The following ZPBP variants were observed in gnomAD, a reference collection of about 807,000 sequenced individuals.
ZPBP encodes the protein zona pellucida-binding protein 1.
A neutral mutation model predicts 44.8 loss-of-function variants in ZPBP; 26 were observed. That is an observed-to-expected ratio of 0.58 (90% CI 0.43 to 0.81). The LOEUF (loss-of-function observed/expected upper bound fraction) is 0.81, where lower values mean the gene tolerates loss of function less well. Among genes scored for constraint, ZPBP ranks in the 30% least tolerant of loss-of-function variants. The pLI is 0.00. For synonymous variants in ZPBP, 174 were observed against 153.2 expected, an observed-to-expected ratio of 1.14 and a Z score of -1.00; for missense variants, 409 against 434.0, an observed-to-expected ratio of 0.94 and a Z score of 0.51.
chr7:50,082,828 AT>A (rs910014824), intron 2 of ZPBP, among the ~76,000 whole-genome samples: 5 of 151,636 alleles, frequency 3.3e-5, no homozygotes, highest in African/African-American at 1.2e-4. Context: ...GATTGAGGTG[AT>A]TTTTTTCTTT....
chr7:49,979,991 TTA>T (rs1184478262), intron 7 of ZPBP, among the ~76,000 whole-genome samples: 1 of 103,688 alleles, frequency 9.6e-6, no homozygotes, highest in Non-Finnish European at 1.7e-5. Context: ...TAATATAATT[TTA>T]TATTATATAT....
At chr7:49,913,589 T>A (rs376123153) in intron 1 of ZPBP, 5 of 152,162 alleles carry the variant, frequency 3.3e-5, no homozygotes, top group African/African-American at 1.2e-4. Context: ...AAGAACCTAT[T>A]AAGTACAAAG....
chr7:49,875,369 CAAAAAAAAAA>C (rs71018432), intron 2 of ZPBP, among the ~76,000 whole-genome samples: 9 of 19,016 alleles, frequency 4.7e-4, no homozygotes, highest in African/African-American at 1.3e-3. Context: ...GATTCTGACT[CAAAAAAAAAA>C]AAAAAAAAAA....
chr7:49,962,866 C>A (rs1795911338), intron 7 of ZPBP, among the ~76,000 whole-genome samples: 1 of 151,598 alleles, frequency 6.6e-6, no homozygotes, highest in Non-Finnish European at 1.5e-5. Context: ...TGGACAGACA[C>A]AATATCCTTG....
intron 3 of ZPBP, among the ~76,000 whole-genome samples, chr7:50,059,792 T>C (rs369256500): frequency 1.3e-5 from 2 of 152,158 alleles, no homozygotes; most frequent in African/African-American, 2.4e-5. Context: ...CCAGAAAATG[T>C]AGTAGTATAC....
At chr7:49,963,116 T>C (rs1018554316) in intron 7 of ZPBP, among the ~76,000 whole-genome samples, 1 of 151,580 alleles carries the variant, frequency 6.6e-6, no homozygotes, top group Non-Finnish European at 1.5e-5. Context: ...AAAAGATATA[T>C]CATTAGTTAT....
At chr7:49,988,629 CT>C (rs1241564844) in intron 6 of ZPBP, among the ~76,000 whole-genome samples, 1 of 152,118 alleles carries the variant, frequency 6.6e-6, no homozygotes, top group Non-Finnish European at 1.5e-5. Flanking sequence ...CATGGACATT[CT>C]ATTATTCACA....
rs377712787 is a variant in ZPBP at position 50,018,263 on chromosome 7, C to T, written c.760G>A (p.Glu254Lys). 6.2e-7 allele frequency: 1 copy of T among 1,610,710 alleles called. No homozygotes were observed. Among genetic ancestry groups the T allele is most frequent in the African/African-American group, 1.3e-5 (1 of 74,724 alleles). Reference protein sequence around the residue: ...GPKRCTDHNCEPYKRLFKAKN... With the variant: ...GPKRCTDHNCKPYKRLFKAKN... ...ACCTTAAAAAGTCTTTTGTAAGGTT[C>T]ACAGTTATGGTCTGTACATCGCTTG... is the stretch of plus-strand genomic sequence containing the variant. The change falls in exon 6 of 8, where the codon GAA (glutamate) becomes AAA (lysine). Residue 254 changes from glutamate (E) to lysine (K), a missense_variant. Glu to Lys is a moderately conservative substitution (Grantham distance 56). Around this residue, in one of 2 missense-constraint regions of ZPBP, gnomAD observed 367 missense variants for 363.1 expected, o/e 1.01. Transcript: ENST00000046087.
chr7:50,044,824 A>C (rs903223155), intron 4 of ZPBP, among the ~76,000 whole-genome samples: 1 of 152,324 alleles, frequency 6.6e-6, no homozygotes, highest in Admixed American at 6.5e-5. Context: ...TGAGGCTGGC[A>C]TACTCCTGAT....
At chr7:50,003,981 C>A (rs975024212) in intron 6 of ZPBP, among the ~76,000 whole-genome samples, 5 of 152,018 alleles carry the variant, frequency 3.3e-5, no homozygotes, top group South Asian at 2.1e-4. Context: ...ATCAGGAAAG[C>A]AGTTTATGAA....
At chr7:50,011,493 A>G (rs1393945481) in intron 6 of ZPBP, among the ~76,000 whole-genome samples, 2 of 152,196 alleles carry the variant, frequency 1.3e-5, no homozygotes, top group Non-Finnish European at 2.9e-5. Context: ...TTGCCAACCC[A>G]TGACAGAGAT....
chr7:49,848,122 T>G (rs908024203), downstream of ZPBP, among the ~76,000 whole-genome samples: 2 of 152,178 alleles, frequency 1.3e-5, no homozygotes, highest in African/African-American at 4.8e-5. Context: ...GAGTCAGCTT[T>G]GTGAGTGGGA....
chr7:49,973,738 T>A (rs566285655), intron 7 of ZPBP, among the ~76,000 whole-genome samples: 2 of 152,216 alleles, frequency 1.3e-5, no homozygotes, highest in Admixed American at 1.3e-4. Flanking sequence ...TTGCTGGTGG[T>A]AATATAAAAT....
Position 50,048,772 on chromosome 7 carries a change from G to A in ZPBP, c.487+9217C>T, listed in dbSNP as rs190655503. Among the ~76,000 whole-genome samples, 434 of 151,598 alleles carry A rather than the reference G, an allele frequency of 2.9e-3. 2 individuals carry two copies. Among genetic ancestry groups the A allele is most frequent in the African/African-American group, 0.01 (417 of 41,412 alleles). ...GCCTAATCTTTTATCTTCGGACAAT[G>A]AAAAAGAAAGAGAAAATAGAAAAAC... On this transcript the variant is annotated intron_variant, in intron 4 of 7. Coordinates refer to ENST00000046087, the MANE Select transcript of ZPBP (RefSeq NM_007009.3).
At chr7:50,030,619 A>C (rs899715815) in intron 5 of ZPBP, among the ~76,000 whole-genome samples, 1 of 152,108 alleles carries the variant, frequency 6.6e-6, no homozygotes, top group Non-Finnish European at 1.5e-5. Context: ...GGGTATTCCT[A>C]AGTGGTCATT....
intron 2 of ZPBP, among the ~76,000 whole-genome samples, chr7:50,086,086 G>A (rs1802630812): frequency 6.6e-6 from 1 of 152,194 alleles, no homozygotes; most frequent in East Asian, 1.9e-4. Flanking sequence ...TGAAAACTCT[G>A]TCCAATCATT....
At chr7:49,866,707 G>A (rs1045784013) in intron 2 of ZPBP, among the ~76,000 whole-genome samples, 1 of 152,238 alleles carries the variant, frequency 6.6e-6, no homozygotes, top group African/African-American at 2.4e-5. Flanking sequence ...GAAAGAGGCA[G>A]TAACATACAA....
At chr7:50,092,820 T>G in intron 1 of ZPBP, 1 of 455,852 alleles carries the variant, frequency 2.2e-6, no homozygotes, top group East Asian at 4.7e-5. Flanking sequence ...AGCAATTTAA[T>G]TGTAAAACTT....
chr7:50,012,699 T>G (rs1342787573), intron 6 of ZPBP, among the ~76,000 whole-genome samples: 1 of 149,058 alleles, frequency 6.7e-6, no homozygotes, highest in Non-Finnish European at 1.5e-5. Flanking sequence ...TGCATCATAC[T>G]AGATGGTACT....
Sources: allele counts gnomAD v4.1 joint callset (sites outside exome capture counted in the v4.1 genomes callset), GRCh38; gene constraint gnomAD v4.1.1; regional missense constraint gnomAD v4.1.1; transcripts MANE v1.5; gene names NCBI Gene and HGNC (gene_info 2026-07-23, HGNC 2026-07-21).